LMAN1L: variants seen among roughly 807,000 people sequenced by gnomAD.
LMAN1L encodes the protein protein ERGIC-53-like.
LMAN1L carries 60 observed loss-of-function variants against 58.3 expected under a neutral mutation model. The observed-to-expected ratio is 1.03, with a 90% CI of 0.84 to 1.27. LMAN1L has a LOEUF of 1.27. Among genes scored for constraint, LMAN1L ranks in the 50% most tolerant of loss-of-function variants. The pLI is 0.00. For synonymous variants in LMAN1L, 280 were observed against 271.6 expected (o/e 1.03, Z -0.31); for missense variants, 629 against 674.0 (o/e 0.93, Z 0.74).
intron 8 of LMAN1L, 117 bp from the exon 9 acceptor site, chr15:74,820,958 T>C (rs1022584850): frequency 3.7e-6 from 5 of 1,362,026 alleles, no homozygotes; most frequent in Non-Finnish European, 4.9e-6. Flanking sequence ...GAGAGGGTCT[T>C]GGAGGCAGCA....
In LMAN1L at chr15:74,822,686, G is replaced by A; in HGVS notation, c.1176G>A (p.Leu392=). The A allele has an allele frequency of 6.2e-7, 1 of 1,614,060 alleles. No homozygotes were observed. The highest frequency in any genetic ancestry group is 1.3e-5 in the African/African-American group (1 of 75,042). Residue 392 remains leucine (L), a synonymous_variant, in exon 11 of 14, where the codon CTG becomes CTA. Coordinates refer to ENST00000309664, the MANE Select transcript of LMAN1L (RefSeq NM_021819.3). ...CCCTGCTCCATGGACAGTGGACTCT[G>A]CTCCAGGCCCTGCAAGAGATGAGGT... The part of the protein sequence containing the change: ...VGALLHGQWT[L]LQALQEMRDA...
At position 74,812,909 on chromosome 15, in the gene LMAN1L, G is replaced by A. The variant is rs771170114; in HGVS notation, c.55G>A (p.Asp19Asn). ...ATTCTGCCTTCTCCTCCTGCTCCTGGACCCCCACAGCCCTGAGACGGGGTG... is the reference window on the plus strand; with the variant it reads ...ATTCTGCCTTCTCCTCCTGCTCCTGAACCCCCACAGCCCTGAGACGGGGTG... ...PLFCLLLLLL[D>N]PHSPETGCPP... The change falls in exon 1 of 14, where the codon GAC becomes AAC. Residue 19 changes from aspartate (D) to asparagine (N), a missense_variant. Asp to Asn is a conservative substitution (Grantham distance 23, BLOSUM62 1). Around this residue, in one of 3 missense-constraint regions of LMAN1L, gnomAD observed 573 missense variants for 597.3 expected, o/e 0.96. Transcript: ENST00000309664. The A allele has an allele frequency of 3.1e-5, 50 of 1,613,526 alleles. No homozygotes were observed. The highest frequency in any genetic ancestry group is 3.5e-5 in the Non-Finnish European group (41 of 1,179,710).
intron 11 of LMAN1L, among the ~76,000 whole-genome samples, chr15:74,822,929 A>C (rs2063923716): frequency 1.3e-5 from 2 of 152,350 alleles, no homozygotes; most frequent in Non-Finnish European, 2.9e-5. Context: ...CTCCTGGAGA[A>C]GCCCATCATG....
intron 4 of LMAN1L, among the ~76,000 whole-genome samples, chr15:74,817,493 G>T (rs2063897189): frequency 6.6e-6 from 1 of 152,210 alleles, no homozygotes; most frequent in South Asian, 2.1e-4. Context: ...CAGACGCTCT[G>T]CTGTGAGTAG....
rs1403936156 is a variant in LMAN1L, at chr15:74,816,535, G to C, written c.438+1G>C. ...TGACTCTCCGGCAGAGGATACTCAG[G>C]TGCGTAGTGGTCTCCTGCCTGCCAG... On this transcript the variant is annotated splice_donor_variant, in intron 3 of 13. Transcript: ENST00000309664. LOFTEE classifies it high-confidence loss of function. The C allele has an allele frequency of 6.4e-7, 1 of 1,566,762 alleles. No homozygotes were observed. Among genetic ancestry groups the C allele is most frequent in the East Asian group, 2.2e-5 (1 of 44,478 alleles).
chr15:74,823,075 T>G (rs7180484), intron 11 of LMAN1L, among the ~76,000 whole-genome samples: 99,748 of 151,976 alleles, frequency 0.66, 33,120 homozygotes, highest in Middle Eastern at 0.72. Context: ...ACCAGTTGGA[T>G]GAGACAGTCC....
In LMAN1L at chr15:74,823,596, T is replaced by G. The variant is rs1207016642; in HGVS notation, c.1237T>G (p.Ser413Ala). 1 of 1,613,950 alleles carries G rather than the reference T, an allele frequency of 6.2e-7. No homozygotes were observed. The highest frequency in any genetic ancestry group is 1.7e-5 in the Admixed American group (1 of 60,014). The change falls in exon 12 of 14, where the codon TCC becomes GCC. Residue 413 changes from serine (S) to alanine (A), a missense_variant. Ser to Ala is a moderately conservative substitution (Grantham distance 99, BLOSUM62 1). This residue lies in a region of LMAN1L where 573 missense variants were observed against 597.3 expected (regional missense o/e 0.96). Transcript: ENST00000309664. ...AVRMAAEAQVSYLPVGIEHHF... is the reference protein window; with the variant it reads ...AVRMAAEAQVAYLPVGIEHHF... Reference sequence around the variant, plus strand: ...CCGCATGGCTGCAGAAGCCCAGGTCTCCTACCTGCCTGTGGGCATTGAGCA... The same window carrying G: ...CCGCATGGCTGCAGAAGCCCAGGTCGCCTACCTGCCTGTGGGCATTGAGCA...
chr15:74,813,115 A>C (rs2063873197), intron 1 of LMAN1L, 86 bp downstream of exon 1: 1 of 1,421,314 alleles, frequency 7.0e-7, no homozygotes, highest in Admixed American at 1.9e-5. Flanking sequence ...TGGGTCTGTC[A>C]CAGCCATCCT....
chr15:74,823,803 G>A, intron 12 of LMAN1L, 121 bp downstream of exon 12: 1 of 1,179,416 alleles, frequency 8.5e-7, no homozygotes, highest in Non-Finnish European at 1.2e-6. Context: ...TCCCAGGACT[G>A]CTGGCAAGCA....
intron 12 of LMAN1L, 41 bp downstream of exon 12, chr15:74,823,723 G>T: frequency 6.2e-7 from 1 of 1,600,696 alleles, no homozygotes. Flanking sequence ...CCCCAACCTT[G>T]ACGTCTGGGC....
At chr15:74,821,954 C>A in intron 10 of LMAN1L, 54 bp downstream of exon 10, 2 of 1,273,200 alleles carry the variant, frequency 1.6e-6, no homozygotes, top group Non-Finnish European at 2.3e-6. Context: ...TTGGCTGGTG[C>A]TCTGGGAGAA....
At chr15:74,823,117 C>T (rs1240142444) in intron 11 of LMAN1L, among the ~76,000 whole-genome samples, 1 of 152,188 alleles carries the variant, frequency 6.6e-6, no homozygotes, top group East Asian at 1.9e-4. Context: ...ATTAACTTCC[C>T]GGTATCCCAC....
Position 74,822,668 on chromosome 15 carries a change from C to G in LMAN1L, c.1158C>G (p.Leu386=). 1.9e-6 allele frequency: 3 copies of G among 1,614,068 alleles called. No individual in the cohort carries two copies. Among genetic ancestry groups the G allele is most frequent in the Non-Finnish European group, 2.5e-6 (3 of 1,180,002 alleles). ...ACTCTGCCAAGGTCGGTGCCCTGCT[C>G]CATGGACAGTGGACTCTGCTCCAGG... ...NKDSAKVGAL[L]HGQWTLLQAL... is the part of the protein sequence containing the mutation. The change falls in exon 11 of 14, where the codon CTC becomes CTG. Residue 386 remains leucine (L), a synonymous_variant. Coordinates refer to ENST00000309664, the MANE Select transcript of LMAN1L (RefSeq NM_021819.3).
Position 74,825,657 on chromosome 15 carries a change from G to C in LMAN1L, c.*52G>C, listed in dbSNP as rs755429815. 7 of 1,578,468 alleles carry C rather than the reference G, an allele frequency of 4.4e-6. No homozygotes were observed. The highest frequency in any genetic ancestry group is 3.3e-5 in the South Asian group (3 of 89,696). ...CTGGGAAGCAGGCAGTGTCTTGGGTGGGGGCTTGGTCAGTATCCTCTCCGT... is the reference window on the plus strand; with the variant it reads ...CTGGGAAGCAGGCAGTGTCTTGGGTCGGGGCTTGGTCAGTATCCTCTCCGT... On this transcript the variant is annotated 3_prime_UTR_variant, in exon 14 of 14. Coordinates refer to ENST00000309664, the MANE Select transcript of LMAN1L (RefSeq NM_021819.3).
At chr15:74,814,366 G>GTTTTTTTTT (rs781652776) in intron 1 of LMAN1L, among the ~76,000 whole-genome samples, 3 of 71,362 alleles carry the variant, frequency 4.2e-5, no homozygotes, top group African/African-American at 1.2e-4. Context: ...GCTAATTTTT[G>GTTTTTTTTT]TTTTTGTTTT....
At chr15:74,816,092 G>A (rs1019775167) in intron 1 of LMAN1L, 65 bp from the exon 2 acceptor site, 2 of 1,505,324 alleles carry the variant, frequency 1.3e-6, no homozygotes, top group Non-Finnish European at 1.8e-6. Flanking sequence ...CCCGGGCCAA[G>A]TGAGAGAGTG....
chr15:74,820,069 G>C lies in LMAN1L; in HGVS notation c.744G>C (p.Leu248=). The change falls in exon 7 of 14, where the codon CTG becomes CTC. Residue 248 remains leucine, a synonymous_variant. Transcript: ENST00000309664. ...ATGATCATGATGTCCTGTCCTTCCT[G>C]ACCTTCAGCCTGAGTGAGCCCAGCC... is the stretch of plus-strand genomic sequence containing the variant. ...LADDHDVLSF[L]TFSLSEPSPE... 5 of 1,614,134 alleles carry C rather than the reference G, an allele frequency of 3.1e-6. No homozygotes were observed. Among genetic ancestry groups the C allele is most frequent in the Non-Finnish European group, 4.2e-6 (5 of 1,180,010 alleles).
intron 4 of LMAN1L, among the ~76,000 whole-genome samples, chr15:74,817,645 C>T (rs755213869): frequency 2.0e-5 from 3 of 152,212 alleles, no homozygotes; most frequent in Non-Finnish European, 4.4e-5. Flanking sequence ...CCTGAGTCAG[C>T]TGCATTCTGA....
chr15:74,822,344 C>G (rs1447276105), intron 10 of LMAN1L, among the ~76,000 whole-genome samples: 1 of 152,090 alleles, frequency 6.6e-6, no homozygotes, highest in African/African-American at 2.4e-5. Context: ...CCAGCCTGGC[C>G]GCAGAGCAAG....
Sources: allele counts gnomAD v4.1 joint callset (sites outside exome capture counted in the v4.1 genomes callset), GRCh38; gene constraint gnomAD v4.1.1; regional missense constraint gnomAD v4.1.1; transcripts MANE v1.5; gene names NCBI Gene and HGNC (gene_info 2026-07-23, HGNC 2026-07-21).